The following CLSTN2 variants were observed in gnomAD, a reference collection of about 807,000 sequenced individuals.
The protein encoded by CLSTN2 is calsyntenin-2.
CLSTN2 carries 48 observed loss-of-function variants against 101.2 expected under a neutral mutation model. That is an observed-to-expected ratio of 0.47 (90% CI 0.38 to 0.60). CLSTN2 has a LOEUF of 0.60. CLSTN2 is among the 20% of genes least tolerant of loss of function. The pLI, the probability that CLSTN2 is intolerant of heterozygous loss-of-function variation, is 0.00. For synonymous variants in CLSTN2, 481 were observed against 463.6 expected (o/e 1.04, Z -0.48); for missense variants, 1,160 against 1,238.2 (o/e 0.94, Z 0.95).
chr3:140,005,095 A>C (rs2006927082), intron 1 of CLSTN2, among the ~76,000 whole-genome samples: 1 of 152,194 alleles, frequency 6.6e-6, no homozygotes, highest in Non-Finnish European at 1.5e-5. Flanking sequence ...GTGGAGCTGA[A>C]GCTGAGCTCC....
intron 1 of CLSTN2, among the ~76,000 whole-genome samples, chr3:139,962,079 A>G (rs1935520651): frequency 6.6e-6 from 1 of 152,104 alleles, no homozygotes; most frequent in Non-Finnish European, 1.5e-5. Context: ...CAATTTTTTC[A>G]TTATAAATAA....
chr3:140,337,495 C>T (rs79865840), intron 2 of CLSTN2, among the ~76,000 whole-genome samples: 1,592 of 152,314 alleles, frequency 0.01, 29 homozygotes, highest in African/African-American at 0.035. Flanking sequence ...CGTATTTCTA[C>T]TTAATCACCT....
intron 1 of CLSTN2, among the ~76,000 whole-genome samples, chr3:140,001,832 T>C (rs2006848529): frequency 6.6e-6 from 1 of 152,126 alleles, no homozygotes; most frequent in African/African-American, 2.4e-5. Context: ...AGTTCAATTG[T>C]TTTAATTTCT....
intron 2 of CLSTN2, among the ~76,000 whole-genome samples, chr3:140,356,815 A>T (rs11716346): frequency 6.6e-6 from 1 of 150,524 alleles, no homozygotes; most frequent in African/African-American, 2.4e-5. Context: ...ACAGTTCTAA[A>T]TTTTGTATTA....
At chr3:140,231,295 A>G (rs1004695316) in intron 2 of CLSTN2, among the ~76,000 whole-genome samples, 1 of 152,076 alleles carries the variant, frequency 6.6e-6, no homozygotes, top group African/African-American at 2.4e-5. Flanking sequence ...CTCCCTCATC[A>G]TCTACTGCGG....
At chr3:140,559,380 TAA>T (rs950293491) in intron 12 of CLSTN2, among the ~76,000 whole-genome samples, 4 of 152,120 alleles carry the variant, frequency 2.6e-5, no homozygotes, top group African/African-American at 9.7e-5. Context: ...TTTATATATA[TAA>T]AAGTTAGGTC....
intron 1 of CLSTN2, among the ~76,000 whole-genome samples, chr3:139,990,713 A>C (rs1311937886): frequency 1.3e-5 from 2 of 152,196 alleles, no homozygotes; most frequent in Non-Finnish European, 2.9e-5. Context: ...CAGATAGGCT[A>C]GGAAGGTGCT....
chr3:140,496,098 A>C (rs990560068), intron 8 of CLSTN2, among the ~76,000 whole-genome samples: 2 of 152,254 alleles, frequency 1.3e-5, no homozygotes, highest in African/African-American at 4.8e-5. Context: ...ATTCATGATC[A>C]TGGAGTGCTT....
At chr3:140,303,772 C>T (rs754404040) in intron 2 of CLSTN2, among the ~76,000 whole-genome samples, 3 of 151,892 alleles carry the variant, frequency 2.0e-5, no homozygotes, top group Non-Finnish European at 4.4e-5. Flanking sequence ...AGGCAGTGCT[C>T]CTGTATCCTA....
intron 8 of CLSTN2, among the ~76,000 whole-genome samples, chr3:140,494,385 A>G (rs887097373): frequency 6.6e-6 from 1 of 152,236 alleles, no homozygotes; most frequent in Admixed American, 6.5e-5. Flanking sequence ...TAGGTTATCA[A>G]GCCGGATACC....
At chr3:140,306,846 T>C (rs1245146263) in intron 2 of CLSTN2, among the ~76,000 whole-genome samples, 1 of 116,218 alleles carries the variant, frequency 8.6e-6, no homozygotes, top group African/African-American at 3.2e-5. Flanking sequence ...CATTTTTGTC[T>C]TTTTATTATT....
chr3:140,451,093 C>A (rs1933237085), intron 6 of CLSTN2, among the ~76,000 whole-genome samples: 1 of 152,134 alleles, frequency 6.6e-6, no homozygotes, highest in Admixed American at 6.5e-5. Flanking sequence ...CCCCATGCAC[C>A]TGAATTATAA....
intron 6 of CLSTN2, among the ~76,000 whole-genome samples, chr3:140,451,551 G>A (rs1933252404): frequency 6.6e-6 from 1 of 152,190 alleles, no homozygotes; most frequent in African/African-American, 2.4e-5. Context: ...TACATTAGAA[G>A]CCTGGCTTTT....
intron 2 of CLSTN2, among the ~76,000 whole-genome samples, chr3:140,240,174 C>CTCTCTCTCTCTATATATATATA (rs1311225528): frequency 7.5e-5 from 1 of 13,358 alleles, no homozygotes; most frequent in Non-Finnish European, 3.5e-4. Flanking sequence ...CTCTCTCTCT[C>CTCTCTCTCTCTATATATATATA]TATATATATA....
intron 2 of CLSTN2, among the ~76,000 whole-genome samples, chr3:140,256,141 C>T (rs1214099830): frequency 6.6e-6 from 1 of 152,158 alleles, no homozygotes; most frequent in Admixed American, 6.5e-5. Flanking sequence ...AGCTGAAGAA[C>T]AAGAGAGGCC....
chr3:140,544,908 A>T (rs1367204651), intron 9 of CLSTN2, among the ~76,000 whole-genome samples: 2 of 152,130 alleles, frequency 1.3e-5, no homozygotes, highest in South Asian at 2.1e-4. Flanking sequence ...GTCTCAGTAT[A>T]AAGAGGAATG....
chr3:140,065,360 A>G (rs2008281971), intron 1 of CLSTN2, among the ~76,000 whole-genome samples: 1 of 152,214 alleles, frequency 6.6e-6, no homozygotes, highest in Non-Finnish European at 1.5e-5. Flanking sequence ...GGAGCCCCTT[A>G]CCACTTACTC....
chr3:140,419,457 T>G (rs2088468418), intron 4 of CLSTN2, among the ~76,000 whole-genome samples: 3 of 124,204 alleles, frequency 2.4e-5, no homozygotes, highest in African/African-American at 7.1e-5. Flanking sequence ...AACTCCAGCC[T>G]GGGTGACAGA....
At chr3:140,140,076 G>C (rs535637849) in intron 1 of CLSTN2, among the ~76,000 whole-genome samples, 1 of 152,246 alleles carries the variant, frequency 6.6e-6, no homozygotes, top group East Asian at 1.9e-4. Context: ...CAGGTTTTTT[G>C]ACTCAGTGTG....
Sources: allele counts gnomAD v4.1 joint callset (sites outside exome capture counted in the v4.1 genomes callset), GRCh38; gene constraint gnomAD v4.1.1; transcripts MANE v1.5; gene names NCBI Gene and HGNC (gene_info 2026-07-23, HGNC 2026-07-21).